Variants in MCTP1 observed in about 807,000 individuals in gnomAD.
The protein encoded by MCTP1 is multiple C2 and transmembrane domain-containing protein 1.
Under a neutral mutation model 120.6 loss-of-function variants are expected in MCTP1, and 69 were observed. The observed-to-expected ratio is 0.57, with a 90% confidence interval of 0.47 to 0.70. The LOEUF (loss-of-function observed/expected upper bound fraction) is 0.70, where lower values mean the gene tolerates loss of function less well. Ranked by LOEUF, MCTP1 falls within the 30% of genes least tolerant of loss-of-function variation. The probability of loss-of-function intolerance (pLI) is 0.00; values close to 1 mark genes in which losing one functional copy is unlikely to be tolerated. For synonymous variants in MCTP1, 529 were observed against 493.1 expected (o/e 1.07, Z -0.96); for missense variants, 1,203 against 1,248.8 (o/e 0.96, Z 0.55).
Position 94,990,355 on chromosome 5 carries a change from C to G in MCTP1, c.838+27012G>C, listed in dbSNP as rs77498820. ...CATTTAGCTGCAATCAAGCCATCAGCTAGACTGAGTTCTCATCTGGACCCT... is the reference window on the plus strand; with the variant it reads ...CATTTAGCTGCAATCAAGCCATCAGGTAGACTGAGTTCTCATCTGGACCCT... On this transcript the variant is annotated intron_variant, in intron 2 of 22. Transcript: ENST00000515393. Among the ~76,000 whole-genome samples, 291 of 152,314 alleles carry G rather than the reference C, an allele frequency of 1.9e-3. 6 individuals carry two copies. The East Asian group carries it at 0.05, about 26-fold the overall frequency.
chr5:95,211,185 G>A (rs923519947), intron 1 of MCTP1, among the ~76,000 whole-genome samples: 20 of 152,052 alleles, frequency 1.3e-4, no homozygotes, highest in African/African-American at 4.8e-4. Flanking sequence ...GTATCTTTGT[G>A]GCACTCTCTG....
intron 13 of MCTP1, among the ~76,000 whole-genome samples, chr5:94,871,648 C>T (rs1797874540): frequency 6.6e-6 from 1 of 152,060 alleles, no homozygotes; most frequent in Non-Finnish European, 1.5e-5. Flanking sequence ...CTTGTAATTT[C>T]AAGTTATCAT....
At chr5:95,216,449 C>T (rs1010397758) in intron 1 of MCTP1, among the ~76,000 whole-genome samples, 11 of 152,270 alleles carry the variant, frequency 7.2e-5, no homozygotes, top group Admixed American at 3.3e-4. Context: ...CACAGCTACC[C>T]GTAGCAAGAA....
intron 1 of MCTP1, among the ~76,000 whole-genome samples, chr5:95,160,942 G>A (rs1562193952): frequency 6.6e-6 from 1 of 152,110 alleles, no homozygotes; most frequent in Non-Finnish European, 1.5e-5. Flanking sequence ...AAAAAGGATA[G>A]CAAGTGTTAG....
intron 1 of MCTP1, among the ~76,000 whole-genome samples, chr5:95,220,352 A>G (rs1753549054): frequency 6.6e-6 from 1 of 150,634 alleles, no homozygotes; most frequent in South Asian, 2.1e-4. Flanking sequence ...TTTTTTTTAC[A>G]AAGAATTCCT....
chr5:94,811,331 C>G (rs1783367086), intron 17 of MCTP1, among the ~76,000 whole-genome samples: 1 of 152,194 alleles, frequency 6.6e-6, no homozygotes, highest in African/African-American at 2.4e-5. Context: ...CTATTTTCCA[C>G]ACCTCTAAAC....
chr5:94,931,061 C>G (rs192284485), intron 6 of MCTP1: 1 of 151,982 alleles, frequency 6.6e-6, no homozygotes, highest in Admixed American at 6.6e-5. Flanking sequence ...GTAAGAGACA[C>G]TTGTTCAAAC....
chr5:95,007,158 T>A (rs1834930377), intron 2 of MCTP1, among the ~76,000 whole-genome samples: 1 of 152,258 alleles, frequency 6.6e-6, no homozygotes, highest in African/African-American at 2.4e-5. Context: ...CCATCAGATC[T>A]TATGAGCACT....
intron 1 of MCTP1, among the ~76,000 whole-genome samples, chr5:95,276,987 G>A (rs1253120938): frequency 1.3e-5 from 2 of 151,770 alleles, no homozygotes; most frequent in Non-Finnish European, 2.9e-5. Context: ...ACAAAAAACA[G>A]GTCAAGGAGA....
At chr5:94,712,769 G>C (rs1757542003) in intron 20 of MCTP1, among the ~76,000 whole-genome samples, 1 of 151,710 alleles carries the variant, frequency 6.6e-6, no homozygotes, top group African/African-American at 2.4e-5. Flanking sequence ...GCTTCTGCTT[G>C]CTTGTGGAGA....
In MCTP1 at chr5:94,759,972, GTT is replaced by G. The variant is rs369341021; in HGVS notation, c.2610+19136_2610+19137del. ...CTTAGCAACCATTTTACTGTTGAGG[GTT>G]TTTTTTTTTTTTTTTGGTACGAAAA... On this transcript the variant is annotated intron_variant, in intron 19 of 22. Transcript: ENST00000515393. 4.4e-3 allele frequency among the ~76,000 whole-genome samples: 506 copies of G among 115,406 alleles called. 3 individuals carry two copies. The highest frequency in any genetic ancestry group is 0.016 in the African/African-American group (491 of 30,240). The allele number at this position is 115,406 out of a possible 152,430, so 75.7% of individuals were successfully genotyped here.
chr5:94,982,570 G>A (rs192857098), intron 2 of MCTP1, among the ~76,000 whole-genome samples: 193 of 151,188 alleles, frequency 1.3e-3, no homozygotes, highest in Non-Finnish European at 2.8e-4. Flanking sequence ...TTTTGCTGAT[G>A]TAATTAAGGT....
rs546220456 is a variant in MCTP1, at chr5:95,001,558, A to C, written c.838+15809T>G. 3.3e-4 allele frequency among the ~76,000 whole-genome samples: 51 copies of C among 152,294 alleles called. 1 individual carries two copies. The South Asian group carries it at 0.011, about 32-fold the overall frequency. ...GCTGAGGTGGTCTCAGATGGAAATG[A>C]GGAGCTTTCTGGGAACCAGCATAAA... On this transcript the variant is annotated intron_variant, in intron 2 of 22. Coordinates refer to ENST00000515393, the MANE Select transcript of MCTP1 (RefSeq NM_024717.7).
Position 94,917,418 on chromosome 5 carries a change from A to C in MCTP1, c.1350+478T>G, listed in dbSNP as rs749306037. Among the ~76,000 whole-genome samples, 5 of 152,196 alleles carry C rather than the reference A, an allele frequency of 3.3e-5. No individual in the cohort carries two copies. The South Asian group carries it at 1.0e-3, about 32-fold the overall frequency. On this transcript the variant is annotated intron_variant, in intron 8 of 22. Transcript: ENST00000515393. Reference sequence around the variant, plus strand: ...ACCAAAGCCCTTAAAAGGAAGGAATAATCTTTGAACTTGTAAGGTAGTTGT... The same window carrying C: ...ACCAAAGCCCTTAAAAGGAAGGAATCATCTTTGAACTTGTAAGGTAGTTGT...
intron 1 of MCTP1, among the ~76,000 whole-genome samples, chr5:95,123,811 G>C (rs146184314): frequency 6.6e-6 from 1 of 151,976 alleles, no homozygotes. Flanking sequence ...CACTGCGCCC[G>C]GCTAATTTTC....
Position 95,238,689 on chromosome 5 carries a change from T to C in MCTP1, c.720+45167A>G, listed in dbSNP as rs114581338. 3.3e-3 allele frequency among the ~76,000 whole-genome samples: 498 copies of C among 152,294 alleles called. 1 individual carries two copies. The highest frequency in any genetic ancestry group is 0.011 in the African/African-American group (471 of 41,556). ...GAATCCTGGAACAATGCATGATCAC[T>C]AGTCGCCTGATACCAAGCCTCATAT... is the stretch of plus-strand genomic sequence containing the variant. On this transcript the variant is annotated intron_variant, in intron 1 of 22. Transcript: ENST00000515393.
intron 8 of MCTP1, among the ~76,000 whole-genome samples, chr5:94,917,107 T>C (rs1310157091): frequency 6.6e-6 from 1 of 152,216 alleles, no homozygotes; most frequent in African/African-American, 2.4e-5. Flanking sequence ...GCTTCTTTTC[T>C]TCCTTTATTA....
At chr5:94,926,458 A>G (rs1011706308) in intron 6 of MCTP1, among the ~76,000 whole-genome samples, 3 of 152,166 alleles carry the variant, frequency 2.0e-5, no homozygotes, top group African/African-American at 7.2e-5. Flanking sequence ...TCATCAAAAC[A>G]ATGGCTCTTG....
At position 94,942,471 on chromosome 5, in the gene MCTP1, T is replaced by C. The variant is rs968885737; in HGVS notation, c.982-44A>G. The C allele has an allele frequency of 3.7e-6, 5 of 1,351,336 alleles. No individual in the cohort carries two copies. The African/African-American group carries it at 5.7e-5, about 16-fold the overall frequency. The allele number at this position is 1,351,336 out of a possible 1,614,324, so 83.7% of individuals were successfully genotyped here. On this transcript the variant is annotated intron_variant, in intron 3 of 22. Coordinates refer to ENST00000515393, the MANE Select transcript of MCTP1 (RefSeq NM_024717.7). ...AAAGCCTTGTTATAAATATCTCCAA[T>C]ATAAGCTTTATGTGATAATGTCTTG... is the stretch of plus-strand genomic sequence containing the variant.
Sources: gnomAD v4.1 joint callset for allele counts (sites outside exome capture counted in the v4.1 genomes callset) on GRCh38, gnomAD v4.1.1 for gene constraint, MANE v1.5 for transcripts, NCBI Gene and HGNC (gene_info 2026-07-23, HGNC 2026-07-21) for gene names.